AHI1: variants seen among roughly 807,000 people sequenced by gnomAD.
AHI1 encodes the protein jouberin.
Under a neutral mutation model 149.3 loss-of-function variants are expected in AHI1, and 123 were observed. That is an observed-to-expected ratio of 0.82 (90% CI 0.71 to 0.96). AHI1 has a LOEUF of 0.96. Ranked by LOEUF, AHI1 falls within the 40% of genes least tolerant of loss-of-function variation. The pLI, the probability that AHI1 is intolerant of heterozygous loss-of-function variation, is 0.00. For missense variants in AHI1, 1,439 were observed against 1,422.7 expected, an observed-to-expected ratio of 1.01 and a Z score of -0.18; for synonymous variants, 475 against 459.8, an observed-to-expected ratio of 1.03 and a Z score of -0.42.
intron 5 of AHI1, 162 bp downstream of exon 5, chr6:135,490,461 T>C (rs931449153): frequency 3.8e-6 from 3 of 799,946 alleles, no homozygotes; most frequent in Admixed American, 2.6e-5. Flanking sequence ...ACAGTGATGT[T>C]GATTCTAATA....
Position 135,428,747 on chromosome 6 carries a change from C to T in AHI1, c.2505G>A (p.Arg835=), listed in dbSNP as rs41288017. The T allele has an allele frequency of 4.7e-3, 7,552 of 1,602,692 alleles. 27 individuals are homozygous for T. The highest frequency in any genetic ancestry group is 0.01 in the Middle Eastern group (61 of 6,028). Residue 835 remains arginine, a synonymous_variant, in exon 19 of 29, where the codon AGG becomes AGA. Coordinates refer to ENST00000265602, the MANE Select transcript of AHI1 (RefSeq NM_001134831.2). ...RIMDLRILVA[R]KFVGAANYRE... Reference sequence around the variant, plus strand: ...GATAATTTGCTGCTCCTACAAACTTCCTTGCTACTAATCTACAAGCAAAAA... The same window carrying T: ...GATAATTTGCTGCTCCTACAAACTTTCTTGCTACTAATCTACAAGCAAAAA...
intron 20 of AHI1, among the ~76,000 whole-genome samples, chr6:135,426,112 C>A (rs982445569): frequency 5.3e-5 from 8 of 151,792 alleles, no homozygotes; most frequent in Middle Eastern, 3.4e-3. Flanking sequence ...AAACTAGACA[C>A]CAGATTTGGA....
chr6:135,299,128 T>C (rs1254763634), intron 27 of AHI1, among the ~76,000 whole-genome samples: 1 of 152,212 alleles, frequency 6.6e-6, no homozygotes, highest in Non-Finnish European at 1.5e-5. Context: ...AAAACATATC[T>C]GACTGATAAC....
At chr6:135,301,547 C>T in intron 26 of AHI1, 1 of 985,398 alleles carries the variant, frequency 1.0e-6, no homozygotes, top group South Asian at 4.7e-5. Context: ...TATCTTTAAA[C>T]AAGCATTACT....
rs780174577 is a variant in AHI1 at position 135,358,113 on chromosome 6, T to C, written c.3165+19A>G. 22 of 1,607,590 alleles carry C rather than the reference T, an allele frequency of 1.4e-5. No individual in the cohort carries two copies. Among genetic ancestry groups the C allele is most frequent in the Non-Finnish European group, 1.8e-5 (21 of 1,175,330 alleles). On this transcript the variant is annotated intron_variant, in intron 24 of 28. Transcript: ENST00000265602. ...TACTTTCTTAACACTTTTAACAACGTAGCAACAGACTGTCTTACCGTTGGT... is the reference window on the plus strand; with the variant it reads ...TACTTTCTTAACACTTTTAACAACGCAGCAACAGACTGTCTTACCGTTGGT...
chr6:135,413,515 A>T (rs1015136988), intron 20 of AHI1, among the ~76,000 whole-genome samples: 1 of 152,022 alleles, frequency 6.6e-6, no homozygotes, highest in African/African-American at 2.4e-5. Context: ...ATGATTGTCT[A>T]GGTAGAGCTA....
At chr6:135,319,778 G>C (rs562181276) in intron 25 of AHI1, among the ~76,000 whole-genome samples, 20 of 152,284 alleles carry the variant, frequency 1.3e-4, no homozygotes, top group Admixed American at 5.2e-4. Context: ...TTTGTATGTG[G>C]AGTGATTTTA....
At chr6:135,433,540 T>C (rs998418026) in intron 15 of AHI1, among the ~76,000 whole-genome samples, 83 of 152,148 alleles carry the variant, frequency 5.5e-4, no homozygotes, top group African/African-American at 1.9e-3. Flanking sequence ...CCTACCTATT[T>C]TGCTGTTGGT....
chr6:135,311,903 C>T (rs532468916), intron 26 of AHI1, among the ~76,000 whole-genome samples: 4 of 152,190 alleles, frequency 2.6e-5, no homozygotes, highest in Middle Eastern at 3.4e-3. Context: ...TCATCTCGTC[C>T]CCTCCTCCTC....
intron 5 of AHI1, among the ~76,000 whole-genome samples, chr6:135,483,575 T>C (rs941721315): frequency 6.6e-6 from 1 of 152,248 alleles, no homozygotes; most frequent in African/African-American, 2.4e-5. Context: ...CGCAACTTCA[T>C]AAATAATTAT....
intron 20 of AHI1, among the ~76,000 whole-genome samples, chr6:135,425,319 G>C (rs1186061038): frequency 6.6e-6 from 1 of 151,730 alleles, no homozygotes; most frequent in Non-Finnish European, 1.5e-5. Flanking sequence ...TTAATTTTAT[G>C]CATTTATATT....
chr6:135,350,640 C>T (rs533185159), intron 24 of AHI1, among the ~76,000 whole-genome samples: 1 of 152,042 alleles, frequency 6.6e-6, no homozygotes, highest in Non-Finnish European at 1.5e-5. Flanking sequence ...ATAATAAAGA[C>T]TAATGGGGGT....
At chr6:135,356,057 C>T (rs765097991) in intron 24 of AHI1, among the ~76,000 whole-genome samples, 114 of 152,264 alleles carry the variant, frequency 7.5e-4, no homozygotes, top group Middle Eastern at 3.4e-3. Flanking sequence ...GCAAGGGGAA[C>T]GTGGGCATGA....
In AHI1 at chr6:135,318,987, T is replaced by C. The variant is rs546947548; in HGVS notation, c.3329-371A>G. Among the ~76,000 whole-genome samples, 9 of 152,308 alleles carry C rather than the reference T, an allele frequency of 5.9e-5. No homozygotes were observed. The South Asian group carries it at 1.2e-3, about 21-fold the overall frequency. On this transcript the variant is annotated intron_variant, in intron 25 of 28. Coordinates refer to ENST00000265602, the MANE Select transcript of AHI1 (RefSeq NM_001134831.2). ...ACATATGGAGATCATCAAAAGATAG[T>C]CTTCATTAGCAAGGAGCTTACAGTC...
intron 25 of AHI1, 74 bp downstream of exon 25, chr6:135,323,088 G>T: frequency 1.4e-6 from 2 of 1,422,126 alleles, no homozygotes; most frequent in South Asian, 1.6e-5. Flanking sequence ...GTAAATTAAA[G>T]ACTAGAAAAT....
chr6:135,333,165 A>T (rs1343641918), intron 24 of AHI1, among the ~76,000 whole-genome samples: 2 of 152,218 alleles, frequency 1.3e-5, no homozygotes, highest in African/African-American at 2.4e-5. Context: ...TATAGAGCCA[A>T]ATATAAAGTA....
At position 135,467,568 on chromosome 6, in the gene AHI1, T is replaced by C. The variant is rs1790979669; in HGVS notation, c.189+13A>G. The C allele has an allele frequency of 6.3e-7, 1 of 1,598,260 alleles. No individual in the cohort carries two copies. Among genetic ancestry groups the C allele is most frequent in the African/African-American group, 1.3e-5 (1 of 74,576 alleles). On this transcript the variant is annotated intron_variant, in intron 6 of 28. Transcript: ENST00000265602. ...ATGCTCTTCTTCAGGCTGTTAGTGT[T>C]AGCAGTACTTACATCATCACTTGTA... is the stretch of plus-strand genomic sequence containing the variant.
intron 24 of AHI1, among the ~76,000 whole-genome samples, chr6:135,349,077 T>A (rs557222745): frequency 1.3e-5 from 2 of 152,308 alleles, no homozygotes; most frequent in African/African-American, 4.8e-5. Flanking sequence ...CTTGAACTCC[T>A]GGGCTCAAGT....
chr6:135,442,453 G>A, intron 14 of AHI1, 129 bp downstream of exon 14: 1 of 1,017,498 alleles, frequency 9.8e-7, no homozygotes. Flanking sequence ...TTTGTTTGAA[G>A]AAATCCGTTT....
Sources: allele counts gnomAD v4.1 joint callset (sites outside exome capture counted in the v4.1 genomes callset), GRCh38; gene constraint gnomAD v4.1.1; transcripts MANE v1.5; gene names NCBI Gene and HGNC (gene_info 2026-07-23, HGNC 2026-07-21).